CALN1: variants seen among roughly 807,000 people sequenced by gnomAD.
CALN1 encodes the protein calneuron 1, also known as calcium-binding protein 8.
Under a neutral mutation model 30.6 loss-of-function variants are expected in CALN1, and 17 were observed. That is an observed-to-expected ratio of 0.56 (90% CI 0.38 to 0.83). CALN1 has a LOEUF of 0.83. Ranked by LOEUF, CALN1 falls within the 40% of genes least tolerant of loss-of-function variation. The pLI is 0.00. For missense variants in CALN1, 291 were observed against 354.9 expected (o/e 0.82, Z 1.45); for synonymous variants, 156 against 131.4 (o/e 1.19, Z -1.28).
At chr7:71,887,521 C>T (rs1792984507) in intron 5 of CALN1, among the ~76,000 whole-genome samples, 1 of 151,856 alleles carries the variant, frequency 6.6e-6, no homozygotes, top group Admixed American at 6.6e-5. Context: ...TAGTCTTGAA[C>T]CCCCCCACTT....
At chr7:72,317,995 A>G (rs1377988327) in intron 2 of CALN1, among the ~76,000 whole-genome samples, 1 of 152,202 alleles carries the variant, frequency 6.6e-6, no homozygotes, top group Non-Finnish European at 1.5e-5. Flanking sequence ...TTTGCAAAAC[A>G]GTATGGGACC....
intron 5 of CALN1, among the ~76,000 whole-genome samples, chr7:71,880,898 G>T (rs375166215): frequency 6.6e-6 from 1 of 152,042 alleles, no homozygotes; most frequent in African/African-American, 2.4e-5. Flanking sequence ...TTGGATTGAC[G>T]CATGCAAAGT....
chr7:72,348,926 T>C (rs1802782613), intron 2 of CALN1, among the ~76,000 whole-genome samples: 1 of 151,964 alleles, frequency 6.6e-6, no homozygotes, highest in South Asian at 2.1e-4. Flanking sequence ...AAAATAACAA[T>C]GGCAATGGAA....
At chr7:72,326,315 C>G (rs1445332669) in intron 2 of CALN1, among the ~76,000 whole-genome samples, 1 of 152,252 alleles carries the variant, frequency 6.6e-6, no homozygotes, top group Non-Finnish European at 1.5e-5. Context: ...TAGTGGGTTA[C>G]ATACCTCTGG....
intron 2 of CALN1, among the ~76,000 whole-genome samples, chr7:72,334,827 G>C (rs938425208): frequency 5.3e-5 from 8 of 152,176 alleles, no homozygotes; most frequent in African/African-American, 1.7e-4. Context: ...CACCATTGTA[G>C]AACAGCTTCT....
chr7:72,181,100 C>CCCCT (rs1789761140), intron 3 of CALN1, among the ~76,000 whole-genome samples: 2 of 89,058 alleles, frequency 2.2e-5, no homozygotes, highest in African/African-American at 7.5e-5. Context: ...TGCATAACCC[C>CCCCT]CCCCCCCCCC....
At chr7:71,836,898 G>C (rs1412002953) in intron 5 of CALN1, among the ~76,000 whole-genome samples, 1 of 150,440 alleles carries the variant, frequency 6.6e-6, no homozygotes, top group Non-Finnish European at 1.5e-5. Flanking sequence ...GATTACAGGC[G>C]TGAGCCACCA....
chr7:72,089,057 A>G (rs1327974025), intron 4 of CALN1, among the ~76,000 whole-genome samples: 1 of 152,094 alleles, frequency 6.6e-6, no homozygotes, highest in Non-Finnish European at 1.5e-5. Flanking sequence ...TAGAGACAAG[A>G]TAAGTGTTTC....
chr7:72,460,429 C>T, the CALN1 span, among the ~76,000 whole-genome samples: 1 of 151,668 alleles, frequency 6.6e-6, no homozygotes, highest in African/African-American at 2.4e-5. Flanking sequence ...GTCAGGAGTT[C>T]GAGACCAGCC....
rs575065477 is a variant in CALN1, at chr7:72,300,388, C to A, written c.120-21578G>T. Among the ~76,000 whole-genome samples, 59 of 150,974 alleles carry A rather than the reference C, an allele frequency of 3.9e-4. No homozygotes were observed. In the South Asian group the frequency reaches 0.012, roughly 31 times the overall value. On this transcript the variant is annotated intron_variant, in intron 2 of 6. Coordinates refer to ENST00000395275, the MANE Select transcript of CALN1 (RefSeq NM_031468.4). ...AAGATTTGTGTATCAAGAAAAGGCACTGCGTTGTATTTTTAATGAACAACA... is the reference window on the plus strand; with the variant it reads ...AAGATTTGTGTATCAAGAAAAGGCAATGCGTTGTATTTTTAATGAACAACA...
At chr7:71,903,814 A>G (rs1331315323) in intron 5 of CALN1, among the ~76,000 whole-genome samples, 1 of 152,230 alleles carries the variant, frequency 6.6e-6, no homozygotes, top group Non-Finnish European at 1.5e-5. Context: ...ATAAGGGGTT[A>G]ATATCCCAAA....
chr7:71,985,627 T>C (rs1440857402), intron 5 of CALN1, among the ~76,000 whole-genome samples: 3 of 148,064 alleles, frequency 2.0e-5, no homozygotes, highest in Non-Finnish European at 4.4e-5. Flanking sequence ...TATTGCTCTG[T>C]TGCCCAGGCT....
intron 4 of CALN1, among the ~76,000 whole-genome samples, chr7:72,075,815 T>G (rs1191025736): frequency 3.3e-5 from 5 of 152,014 alleles, no homozygotes; most frequent in African/African-American, 1.2e-4. Context: ...GAGGTTAGGT[T>G]TCAACAAATA....
chr7:72,301,600 CTT>C (rs1311808009), intron 2 of CALN1, among the ~76,000 whole-genome samples: 1 of 81,924 alleles, frequency 1.2e-5, no homozygotes, highest in Non-Finnish European at 2.2e-5. Flanking sequence ...AGAGCAAAGA[CTT>C]TGTCTCTCAA....
chr7:72,167,938 G>T (rs995411541), intron 3 of CALN1, among the ~76,000 whole-genome samples: 1 of 152,144 alleles, frequency 6.6e-6, no homozygotes, highest in Non-Finnish European at 1.5e-5. Context: ...AGCAGGATAC[G>T]GAAGATAGAA....
At chr7:72,373,057 G>A (rs1453829748) in intron 2 of CALN1, among the ~76,000 whole-genome samples, 1 of 152,166 alleles carries the variant, frequency 6.6e-6, no homozygotes, top group Non-Finnish European at 1.5e-5. Context: ...AGAAGTAGAA[G>A]ATACGAAGAA....
intron 4 of CALN1, among the ~76,000 whole-genome samples, chr7:72,034,289 G>A (rs1801642923): frequency 6.7e-6 from 1 of 149,980 alleles, no homozygotes. Context: ...AGGAGGCGGA[G>A]CTTGCAGTGA....
chr7:72,398,034 G>T (rs532756562), intron 2 of CALN1, among the ~76,000 whole-genome samples: 175 of 152,274 alleles, frequency 1.1e-3, no homozygotes, highest in Admixed American at 1.9e-3. Context: ...GCATTGTGGG[G>T]AAGTAGGACC....
chr7:71,958,726 A>G (rs1228713308), intron 5 of CALN1, among the ~76,000 whole-genome samples: 1 of 152,208 alleles, frequency 6.6e-6, no homozygotes, highest in Non-Finnish European at 1.5e-5. Context: ...AGCTGACCAC[A>G]ATGGTGCTAG....
Sources: gnomAD v4.1 joint callset for allele counts (sites outside exome capture counted in the v4.1 genomes callset) on GRCh38, gnomAD v4.1.1 for gene constraint, MANE v1.5 for transcripts, NCBI Gene and HGNC (gene_info 2026-07-23, HGNC 2026-07-21) for gene names.